Variants in VPS13B observed in about 807,000 individuals in gnomAD.
VPS13B encodes intermembrane lipid transfer protein VPS13B.
A neutral mutation model predicts 426.4 loss-of-function variants in VPS13B; 285 were observed. The ratio of observed to expected loss-of-function variants is 0.67; its 90% confidence interval spans 0.61 to 0.74. The LOEUF (loss-of-function observed/expected upper bound fraction) is 0.74. Among genes scored for constraint, VPS13B ranks in the 30% least tolerant of loss-of-function variants. VPS13B has a pLI of 0.00. For missense variants in VPS13B, 4,537 were observed against 4,782.6 expected, an observed-to-expected ratio of 0.95 and a Z score of 1.51; for synonymous variants, 1,676 against 1,676.4, an observed-to-expected ratio of 1.00 and a Z score of 0.01.
chr8:99,045,288 G>A (rs764350082), intron 3 of VPS13B, among the ~76,000 whole-genome samples: 4 of 151,930 alleles, frequency 2.6e-5, no homozygotes, highest in Non-Finnish European at 5.9e-5. Flanking sequence ...TTTGATTTGC[G>A]TTTCCCTGAT....
At chr8:99,758,649 C>T (rs1810760680) in intron 39 of VPS13B, among the ~76,000 whole-genome samples, 1 of 152,116 alleles carries the variant, frequency 6.6e-6, no homozygotes, top group African/African-American at 2.4e-5. Flanking sequence ...CCACATGCTT[C>T]ACTTCCTTGT....
At chr8:99,684,309 C>T (rs956112345) in intron 35 of VPS13B, among the ~76,000 whole-genome samples, 8 of 152,148 alleles carry the variant, frequency 5.3e-5, no homozygotes, top group South Asian at 4.1e-4. Flanking sequence ...ATGATGGTCT[C>T]ATAAAATGAA....
chr8:99,809,616 C>T, intron 44 of VPS13B, 86 bp downstream of exon 44: 1 of 1,541,268 alleles, frequency 6.5e-7, no homozygotes, highest in Non-Finnish European at 8.9e-7. Flanking sequence ...TTTTTAAAAT[C>T]ACAGTGGTTA....
At chr8:99,756,225 G>C (rs528833630) in intron 39 of VPS13B, among the ~76,000 whole-genome samples, 3 of 152,276 alleles carry the variant, frequency 2.0e-5, no homozygotes, top group African/African-American at 7.2e-5. Flanking sequence ...AAATTCACTA[G>C]AGGGGCTAAG....
chr8:99,589,312 G>A (rs551112423), intron 33 of VPS13B, among the ~76,000 whole-genome samples: 13 of 151,508 alleles, frequency 8.6e-5, no homozygotes, highest in Admixed American at 1.3e-4. Flanking sequence ...CCATTAACTC[G>A]TCATTTAGCA....
At chr8:99,377,647 CT>C (rs1813559328) in intron 19 of VPS13B, among the ~76,000 whole-genome samples, 1 of 152,152 alleles carries the variant, frequency 6.6e-6, no homozygotes, top group African/African-American at 2.4e-5. Context: ...AGGTTCTTTT[CT>C]ATTTTCCCTA....
In VPS13B at chr8:99,481,794, A is replaced by G. The variant is rs1820051985; in HGVS notation, c.3862A>G (p.Thr1288Ala). 2 of 1,613,830 alleles carry G rather than the reference A, an allele frequency of 1.2e-6. No individual in the cohort carries two copies. The highest frequency in any genetic ancestry group is 1.3e-5 in the African/African-American group (1 of 75,040). The part of the protein sequence containing the change: ...TCSPSADIGT[T>A]TEGDSIQAGE... ...CAGCCCATCTGCTGACATTGGGACT[A>G]CTACTGAGGTAAGTGTTTTTGAAAA... The change falls in exon 25 of 62, where the codon ACT becomes GCT. Residue 1288 changes from threonine to alanine, a missense_variant. Around this residue, in one of 2 missense-constraint regions of VPS13B, gnomAD observed 4,311 missense variants for 4,474.3 expected, o/e 0.96. Transcript: ENST00000357162.
chr8:99,642,554 T>C, intron 34 of VPS13B, 56 bp downstream of exon 34: 1 of 1,441,350 alleles, frequency 6.9e-7, no homozygotes, highest in African/African-American at 1.4e-5. Flanking sequence ...TAAGTTGTAT[T>C]CCCATAGTTT....
chr8:99,485,960 T>C (rs192834711), intron 25 of VPS13B, among the ~76,000 whole-genome samples: 4 of 152,294 alleles, frequency 2.6e-5, no homozygotes, highest in Admixed American at 2.6e-4. Context: ...TTATATCTGC[T>C]GACTCTCCCT....
chr8:99,450,291 A>C (rs765464128), intron 23 of VPS13B, among the ~76,000 whole-genome samples: 4 of 152,214 alleles, frequency 2.6e-5, no homozygotes, highest in Non-Finnish European at 5.9e-5. Flanking sequence ...AGGATAACTA[A>C]AGCAAAAATG....
At chr8:99,486,462 G>A (rs1307821326) in intron 25 of VPS13B, among the ~76,000 whole-genome samples, 1 of 152,020 alleles carries the variant, frequency 6.6e-6, no homozygotes, top group Admixed American at 6.6e-5. Context: ...CTGACCTCAG[G>A]TGTTCTGCCT....
chr8:99,602,012 A>G (rs1214500749), intron 33 of VPS13B, among the ~76,000 whole-genome samples: 2 of 152,020 alleles, frequency 1.3e-5, no homozygotes, highest in African/African-American at 4.8e-5. Context: ...TAGATCCCAC[A>G]TTTGTCAATT....
chr8:99,674,436 T>C (rs377409574), intron 35 of VPS13B, among the ~76,000 whole-genome samples: 16 of 152,230 alleles, frequency 1.1e-4, no homozygotes, highest in African/African-American at 3.8e-4. Context: ...ATATCTTTTT[T>C]CATTCCTTCA....
intron 33 of VPS13B, among the ~76,000 whole-genome samples, chr8:99,591,445 A>C (rs1826670424): frequency 6.6e-6 from 1 of 151,984 alleles, no homozygotes; most frequent in South Asian, 2.1e-4. Context: ...TCTTCATAGC[A>C]TCGATGGTCT....
rs796395625 is a variant in VPS13B at position 99,127,032 on chromosome 8, T to C, written c.1206+5587T>C. On this transcript the variant is annotated intron_variant, in intron 8 of 61. Coordinates refer to ENST00000357162, the MANE Select transcript of VPS13B (RefSeq NM_152564.5). ...ATTGCTTGAGCTGGAGGGGTGGAGG[T>C]TGAATTGAGCTGAGATCATGCCACT... Among the ~76,000 whole-genome samples the C allele has an allele frequency of 5.3e-5, 8 of 151,724 alleles. 1 individual carries two copies. Among genetic ancestry groups the C allele is most frequent in the African/African-American group, 1.9e-4 (8 of 41,380 alleles).
At position 99,809,474 on chromosome 8, in the gene VPS13B, G is replaced by A. The variant is rs762186948; in HGVS notation, c.8041G>A (p.Gly2681Ser). 5 of 1,613,928 alleles carry A rather than the reference G, an allele frequency of 3.1e-6. No individual in the cohort carries two copies. Among genetic ancestry groups the A allele is most frequent in the South Asian group, 2.2e-5 (2 of 91,068 alleles). Residue 2681 changes from glycine to serine, a missense_variant, in exon 44 of 62, where the codon GGT becomes AGT. This residue lies in a region of VPS13B where 4,311 missense variants were observed against 4,474.3 expected (regional missense o/e 0.96). Coordinates refer to ENST00000357162, the MANE Select transcript of VPS13B (RefSeq NM_152564.5). ...GTFIRTIQYRGRTASLIIKVQ... is the reference protein window; with the variant it reads ...GTFIRTIQYRSRTASLIIKVQ... Reference sequence around the variant, plus strand: ...TTTTATTAGAACAATTCAGTACAGGGGTCGAACTGCTTCTCTCATCATCAA... The same window carrying A: ...TTTTATTAGAACAATTCAGTACAGGAGTCGAACTGCTTCTCTCATCATCAA...
intron 19 of VPS13B, among the ~76,000 whole-genome samples, chr8:99,372,376 G>A (rs181805351): frequency 4.1e-4 from 63 of 152,134 alleles, no homozygotes; most frequent in African/African-American, 1.4e-3. Context: ...TGAACATGCA[G>A]CCTACAGAAT....
At chr8:99,114,592 TTTCC>T (rs761208818) in intron 6 of VPS13B, among the ~76,000 whole-genome samples, 12 of 152,238 alleles carry the variant, frequency 7.9e-5, no homozygotes, top group Non-Finnish European at 1.8e-4. Context: ...TGCATACTCC[TTTCC>T]TGCTCACCTC....
At chr8:99,114,866 C>T (rs1344226179) in intron 6 of VPS13B, among the ~76,000 whole-genome samples, 1 of 152,112 alleles carries the variant, frequency 6.6e-6, no homozygotes, top group African/African-American at 2.4e-5. Context: ...GACTTTATGG[C>T]ATAATTGGTT....
Sources: allele counts gnomAD v4.1 joint callset (sites outside exome capture counted in the v4.1 genomes callset), GRCh38; gene constraint gnomAD v4.1.1; regional missense constraint gnomAD v4.1.1; transcripts MANE v1.5; gene names NCBI Gene and HGNC (gene_info 2026-07-23, HGNC 2026-07-21).